Variants in SLC2A9 observed in about 807,000 individuals in gnomAD.
SLC2A9 encodes the protein solute carrier family 2, facilitated glucose transporter member 9.
In SLC2A9, 39 loss-of-function variants were observed where a neutral mutation model predicts 50.6. The observed-to-expected ratio is 0.77, with a 90% CI of 0.60 to 1.01. SLC2A9 has a LOEUF of 1.01. SLC2A9 is among the 50% of genes least tolerant of loss of function. The probability of loss-of-function intolerance (pLI) is 0.00; values close to 1 mark genes in which losing one functional copy is unlikely to be tolerated. For missense variants in SLC2A9, 686 were observed against 677.6 expected (o/e 1.01, Z -0.14); for synonymous variants, 324 against 276.9 (o/e 1.17, Z -1.69).
intron 2 of SLC2A9, among the ~76,000 whole-genome samples, chr4:10,018,217 A>G (rs1762930474): frequency 6.6e-6 from 1 of 152,238 alleles, no homozygotes. Flanking sequence ...CTTATCCAGC[A>G]GATACCTGAG....
At chr4:10,012,345 T>C (rs549013984) in intron 2 of SLC2A9, among the ~76,000 whole-genome samples, 1 of 152,312 alleles carries the variant, frequency 6.6e-6, no homozygotes, top group African/African-American at 2.4e-5. Flanking sequence ...TGTTTGAGAG[T>C]GAAGAGACCT....
chr4:9,821,596 T>C (rs970451037), downstream of SLC2A9, among the ~76,000 whole-genome samples: 1 of 152,082 alleles, frequency 6.6e-6, no homozygotes, highest in Non-Finnish European at 1.5e-5. Flanking sequence ...TGTATACCTA[T>C]GTAACAAACC....
chr4:9,903,751 T>C (rs370987521), intron 8 of SLC2A9, among the ~76,000 whole-genome samples: 1 of 150,736 alleles, frequency 6.6e-6, no homozygotes, highest in East Asian at 1.9e-4. Context: ...TATTTGTGTG[T>C]TTATTACATA....
chr4:9,910,355 C>T (rs1314666358), intron 7 of SLC2A9, among the ~76,000 whole-genome samples: 1 of 152,222 alleles, frequency 6.6e-6, no homozygotes, highest in Non-Finnish European at 1.5e-5. Flanking sequence ...GACATTATAA[C>T]ATTATCCTGA....
chr4:9,974,449 G>T (rs1754434866), intron 5 of SLC2A9, among the ~76,000 whole-genome samples: 1 of 151,464 alleles, frequency 6.6e-6, no homozygotes, highest in African/African-American at 2.4e-5. Flanking sequence ...AAAATCAGTA[G>T]TATTTCTATA....
downstream of SLC2A9, among the ~76,000 whole-genome samples, chr4:9,775,589 A>C (rs1302723371): frequency 1.3e-5 from 2 of 151,758 alleles, no homozygotes; most frequent in African/African-American, 2.4e-5. Flanking sequence ...CGAGATAGTG[A>C]GTTCTTGTGA....
chr4:9,802,161 T>C (rs755712930), intron 3 of SLC2A9, among the ~76,000 whole-genome samples: 5 of 152,192 alleles, frequency 3.3e-5, no homozygotes, highest in Non-Finnish European at 5.9e-5. Flanking sequence ...CCGAACCTTT[T>C]AGACGGCCAT....
chr4:9,878,421 G>A (rs2109596037), intron 10 of SLC2A9, among the ~76,000 whole-genome samples: 1 of 60,110 alleles, frequency 1.7e-5, no homozygotes, highest in Non-Finnish European at 8.7e-5. Context: ...GCCAGTGATG[G>A]AATCAATCAT....
At chr4:9,976,969 T>G (rs75628089) in intron 5 of SLC2A9, among the ~76,000 whole-genome samples, 2,249 of 152,306 alleles carry the variant, frequency 0.015, 66 homozygotes, top group African/African-American at 0.05. Context: ...CTGAGAGTTA[T>G]TTTTGACTCC....
downstream of SLC2A9, among the ~76,000 whole-genome samples, chr4:9,825,802 C>G (rs1725044628): frequency 6.6e-6 from 1 of 152,180 alleles, no homozygotes; most frequent in Non-Finnish European, 1.5e-5. Context: ...GTATTAGGCT[C>G]TCCAAAGCCT....
intron 2 of SLC2A9, among the ~76,000 whole-genome samples, chr4:10,015,521 C>T (rs1050111285): frequency 6.6e-6 from 1 of 152,166 alleles, no homozygotes; most frequent in Non-Finnish European, 1.5e-5. Flanking sequence ...ATTTTTGTTG[C>T]AAGGATAGGG....
chr4:9,861,806 T>C (rs1422940315), intron 10 of SLC2A9, among the ~76,000 whole-genome samples: 1 of 152,172 alleles, frequency 6.6e-6, no homozygotes, highest in Admixed American at 6.5e-5. Flanking sequence ...GAACCAAGTA[T>C]GTCGTAGGTG....
intron 7 of SLC2A9, among the ~76,000 whole-genome samples, chr4:9,917,108 C>G (rs1302116079): frequency 6.6e-6 from 1 of 152,172 alleles, no homozygotes; most frequent in Non-Finnish European, 1.5e-5. Flanking sequence ...GACTGACACT[C>G]ACACTGAAGC....
At chr4:9,874,944 CGTCT>C (rs1734058337) in intron 10 of SLC2A9, among the ~76,000 whole-genome samples, 2 of 93,526 alleles carry the variant, frequency 2.1e-5, no homozygotes, top group East Asian at 3.5e-4. Flanking sequence ...CATAGGTTAG[CGTCT>C]GTCTAAGATG....
At chr4:10,029,748 C>T (rs896450747) in intron 1 of SLC2A9, among the ~76,000 whole-genome samples, 2 of 151,990 alleles carry the variant, frequency 1.3e-5, no homozygotes, top group African/African-American at 4.8e-5. Flanking sequence ...TCCCGAGTAG[C>T]TGGGTTTATA....
At chr4:9,946,328 C>A (rs1749148203) in intron 5 of SLC2A9, among the ~76,000 whole-genome samples, 1 of 152,186 alleles carries the variant, frequency 6.6e-6, no homozygotes. Flanking sequence ...CTATAGACTA[C>A]TTTAGTCCAT....
chr4:9,991,416 G>A (rs192933986), intron 3 of SLC2A9, among the ~76,000 whole-genome samples: 4 of 152,234 alleles, frequency 2.6e-5, no homozygotes, highest in East Asian at 1.9e-4. Flanking sequence ...ATGTAACCTC[G>A]CTCGGGCCAA....
intron 1 of SLC2A9, among the ~76,000 whole-genome samples, chr4:9,773,328 C>G (rs1717095116): frequency 6.6e-6 from 1 of 152,130 alleles, no homozygotes; most frequent in Admixed American, 6.6e-5. Flanking sequence ...TGGCTGGGAG[C>G]TCAGCTTGTA....
chr4:10,031,750 AG>A (rs1330168758), intron 1 of SLC2A9, among the ~76,000 whole-genome samples: 1 of 152,222 alleles, frequency 6.6e-6, no homozygotes, highest in Non-Finnish European at 1.5e-5. Flanking sequence ...GACTGAGTGA[AG>A]CAGCCAGTTA....
Sources: allele counts gnomAD v4.1 joint callset (sites outside exome capture counted in the v4.1 genomes callset), GRCh38; gene constraint gnomAD v4.1.1; transcripts MANE v1.5; gene names NCBI Gene and HGNC (gene_info 2026-07-23, HGNC 2026-07-21).